Variants in USP54 observed in about 807,000 individuals in gnomAD.
The protein encoded by USP54 is ubiquitin specific peptidase 54, also known as ubiquitin carboxyl-terminal hydrolase 54.
USP54 carries 87 observed loss-of-function variants against 170.5 expected under a neutral mutation model. The observed-to-expected ratio is 0.51, with a 90% CI of 0.43 to 0.61. The LOEUF (loss-of-function observed/expected upper bound fraction) is 0.61, where lower values mean the gene tolerates loss of function less well. USP54 is among the 20% of genes least tolerant of loss of function. The pLI, the probability that USP54 is intolerant of heterozygous loss-of-function variation, is 0.00. For synonymous variants in USP54, 655 were observed against 742.8 expected, an observed-to-expected ratio of 0.88 and a Z score of 1.92; for missense variants, 1,786 against 2,047.8, an observed-to-expected ratio of 0.87 and a Z score of 2.47.
intron 1 of USP54, among the ~76,000 whole-genome samples, chr10:73,613,789 G>A (rs1292400928): frequency 6.6e-6 from 1 of 151,668 alleles, no homozygotes; most frequent in African/African-American, 2.4e-5. Flanking sequence ...TGAGAGGGAA[G>A]AATCACTTGA....
intron 1 of USP54, among the ~76,000 whole-genome samples, chr10:73,622,760 A>C (rs372766029): frequency 6.6e-6 from 1 of 151,742 alleles, no homozygotes; most frequent in African/African-American, 2.4e-5. Flanking sequence ...TGAGATCAGC[A>C]TGGGCAACAT....
chr10:73,573,053 G>A (rs1380822708), intron 3 of USP54, among the ~76,000 whole-genome samples: 5 of 152,042 alleles, frequency 3.3e-5, no homozygotes, highest in African/African-American at 9.7e-5. Context: ...GGAGGACAAC[G>A]CAGGATGATC....
chr10:73,610,075 G>C (rs939834495), intron 1 of USP54, among the ~76,000 whole-genome samples: 5 of 151,732 alleles, frequency 3.3e-5, no homozygotes, highest in African/African-American at 1.2e-4. Flanking sequence ...CTACTTGGGA[G>C]GCTGAGGCAT....
intron 21 of USP54, 79 bp from the exon 22 acceptor site, chr10:73,505,069 T>C (rs191835987): frequency 1.0e-5 from 16 of 1,591,344 alleles, no homozygotes; most frequent in Non-Finnish European, 1.4e-5. Flanking sequence ...CCTCAGGGTA[T>C]GGGAAAGAGT....
In USP54 at chr10:73,581,050, A is replaced by G. The variant is rs187066945; in HGVS notation, c.-581-4689T>C. Among the ~76,000 whole-genome samples, 226 of 152,340 alleles carry G rather than the reference A, an allele frequency of 1.5e-3. 2 individuals carry two copies. The highest frequency in any genetic ancestry group is 1.6e-3 in the Non-Finnish European group (109 of 68,032). On this transcript the variant is annotated intron_variant, in intron 1 of 23. Coordinates refer to ENST00000687698, the MANE Select transcript of USP54 (RefSeq NM_001391956.1). The stretch of plus-strand genomic sequence containing the variant: ...CCTAACACCACATTTCTCAGAACAC[A>G]TCCCTGTTGTTAAGCAAAACATGGC...
At chr10:73,524,795 A>T (rs2062569451) in intron 16 of USP54, among the ~76,000 whole-genome samples, 1 of 152,236 alleles carries the variant, frequency 6.6e-6, no homozygotes, top group South Asian at 2.1e-4. Context: ...ACAGGAGGAT[A>T]AATAATTTGC....
At chr10:73,589,807 A>T (rs2078012817) in intron 1 of USP54, among the ~76,000 whole-genome samples, 1 of 152,192 alleles carries the variant, frequency 6.6e-6, no homozygotes, top group African/African-American at 2.4e-5. Flanking sequence ...AGAGGATACC[A>T]AAGAAAGGAG....
rs755629305 is a variant in USP54 at position 73,536,340 on chromosome 10, G to GAA, written c.1071_1072dup (p.Ser358PhefsTer85). On this transcript the variant is annotated frameshift_variant, in exon 11 of 24. Coordinates refer to ENST00000687698, the MANE Select transcript of USP54 (RefSeq NM_001391956.1). LOFTEE classifies it high-confidence loss of function. ...AGCTTGGGGAGGCAGGTCCTGGGTGGAAACTGGGGTACCCTGGGGATCTGC... is the reference window on the plus strand; with the variant it reads ...AGCTTGGGGAGGCAGGTCCTGGGTGGAAAAACTGGGGTACCCTGGGGATCTGC... 6.2e-7 allele frequency: 1 copy of GAA among 1,614,064 alleles called. No individual in the cohort carries two copies. The highest frequency in any genetic ancestry group is 8.5e-7 in the Non-Finnish European group (1 of 1,179,966).
chr10:73,604,047 G>A lies in USP54; in HGVS notation c.-18+21520C>T, dbSNP rs549520733. Among the ~76,000 whole-genome samples the A allele has an allele frequency of 3.3e-5, 5 of 151,936 alleles. No homozygotes were observed. The South Asian group carries it at 1.0e-3, about 32-fold the overall frequency. ...GGGCAGATCATGAGGTCAGGAGTTC[G>A]AGACCAGCCTGGCCAATGTGGTGAA... On this transcript the variant is annotated intron_variant, in intron 1 of 22. Coordinates refer to the USP54 transcript ENST00000339859.
intron 4 of USP54, among the ~76,000 whole-genome samples, chr10:73,556,695 A>G (rs1177588100): frequency 6.6e-6 from 1 of 152,180 alleles, no homozygotes; most frequent in African/African-American, 2.4e-5. Flanking sequence ...TCAGTACACA[A>G]CAGAGAAACA....
At chr10:73,538,400 C>G (rs1590157252) in intron 10 of USP54, 1 of 152,058 alleles carries the variant, frequency 6.6e-6, no homozygotes, top group East Asian at 1.9e-4. Context: ...AACATCCCCA[C>G]CCAGATTTAG....
intron 11 of USP54, 153 bp downstream of exon 11, chr10:73,536,116 G>C: frequency 9.5e-7 from 1 of 1,048,710 alleles, no homozygotes; most frequent in South Asian, 1.4e-5. Flanking sequence ...GCCCAAGTTA[G>C]GCTTCAGCAC....
chr10:73,513,232 C>T (rs1482880797), intron 20 of USP54: 4 of 151,956 alleles, frequency 2.6e-5, no homozygotes, highest in South Asian at 2.1e-4. Flanking sequence ...GGGAGGCTGA[C>T]GCAGGCGGAT....
rs557452997 is a variant in USP54 at position 73,618,464 on chromosome 10, C to T, written c.-18+7103G>A. ...TTTTTGGTAAAAAATTAGCTGGGGC[C>T]GGGCACAGGGGCTCACGCCTGTAAT... is the stretch of plus-strand genomic sequence containing the variant. On this transcript the variant is annotated intron_variant, in intron 1 of 22. Transcript: ENST00000339859. Among the ~76,000 whole-genome samples, 21 of 150,292 alleles carry T rather than the reference C, an allele frequency of 1.4e-4. 3 individuals carry two copies. The highest frequency in any genetic ancestry group is 4.3e-4 in the African/African-American group (17 of 39,802).
At chr10:73,505,468 C>A in intron 20 of USP54, 42 bp from the exon 21 acceptor site, 1 of 1,545,260 alleles carries the variant, frequency 6.5e-7, no homozygotes, top group South Asian at 1.1e-5. Context: ...CCATCTCTTC[C>A]CCTAGGGCCT....
At chr10:73,621,855 T>C (rs2081121001) in intron 1 of USP54, among the ~76,000 whole-genome samples, 1 of 152,326 alleles carries the variant, frequency 6.6e-6, no homozygotes, top group East Asian at 1.9e-4. Flanking sequence ...ATTTTGTATT[T>C]AGCACCATGC....
Position 73,624,173 on chromosome 10 carries a change from TATATATATATA to T in USP54, c.-18+1383_-18+1393del, listed in dbSNP as rs2081299021. On this transcript the variant is annotated intron_variant, in intron 1 of 22. Transcript: ENST00000339859. ...TTTTTAAAAGCCATATATATATATATATATATATATATATATATATATGTATTTTTTTTTTT... is the reference window on the plus strand; with the variant it reads ...TTTTTAAAAGCCATATATATATATATTATATATATATGTATTTTTTTTTTT... Among the ~76,000 whole-genome samples, 15 of 112,658 alleles carry T rather than the reference TATATATATATA, an allele frequency of 1.3e-4. No homozygotes were observed. The South Asian group carries it at 2.1e-3, about 16-fold the overall frequency. The allele number at this position is 112,658 out of a possible 152,430, so 73.9% of individuals were successfully genotyped here.
At chr10:73,509,610 G>A (rs372323884) in intron 20 of USP54, among the ~76,000 whole-genome samples, 3 of 149,042 alleles carry the variant, frequency 2.0e-5, no homozygotes, top group African/African-American at 2.5e-5. Flanking sequence ...GCGAGACTCC[G>A]TCTCATTAAA....
rs1001138807 is a variant in USP54 at position 73,499,358 on chromosome 10, T to C, written c.4496-170A>G. On this transcript the variant is annotated intron_variant, in intron 23 of 23. Coordinates refer to ENST00000687698, the MANE Select transcript of USP54 (RefSeq NM_001391956.1). ...TGATTCCATTTCTTAAAATTCTTAA[T>C]ATACATCAAAATCAAATCTCATACC... Among the ~76,000 whole-genome samples, 11 of 152,130 alleles carry C rather than the reference T, an allele frequency of 7.2e-5. 1 individual carries two copies. The East Asian group carries it at 1.7e-3, about 24-fold the overall frequency.
Sources: gnomAD v4.1 joint callset for allele counts (sites outside exome capture counted in the v4.1 genomes callset) on GRCh38, gnomAD v4.1.1 for gene constraint, MANE v1.5 for transcripts, NCBI Gene and HGNC (gene_info 2026-07-23, HGNC 2026-07-21) for gene names.